FOXP2: variants seen among roughly 807,000 people sequenced by gnomAD.
FOXP2 encodes the protein forkhead box protein P2.
A neutral mutation model predicts 115.8 loss-of-function variants in FOXP2; 12 were observed. The ratio of observed to expected loss-of-function variants is 0.10; its 90% CI spans 0.07 to 0.17. The LOEUF (loss-of-function observed/expected upper bound fraction) is 0.17, where lower values mean the gene tolerates loss of function less well. Ranked by LOEUF, FOXP2 falls within the 10% of genes least tolerant of loss-of-function variation. The pLI is 1.00. For missense variants in FOXP2, 629 were observed against 843.5 expected, an observed-to-expected ratio of 0.75 and a Z score of 3.15; for synonymous variants, 328 against 297.7, an observed-to-expected ratio of 1.10 and a Z score of -1.05.
chr7:114,673,432 T>C (rs903946574), intron 16 of FOXP2, among the ~76,000 whole-genome samples: 63 of 152,180 alleles, frequency 4.1e-4, no homozygotes, highest in African/African-American at 1.5e-3. Context: ...TAAAGTCAAA[T>C]AGAGTGATAA....
intron 1 of FOXP2, among the ~76,000 whole-genome samples, chr7:114,193,000 T>G (rs1416959293): frequency 2.0e-5 from 3 of 152,164 alleles, no homozygotes. Flanking sequence ...AATGAGTTCT[T>G]ATATTTCAGT....
chr7:114,463,699 G>T (rs1757599426), intron 2 of FOXP2, among the ~76,000 whole-genome samples: 1 of 152,132 alleles, frequency 6.6e-6, no homozygotes, highest in African/African-American at 2.4e-5. Flanking sequence ...GTGAGTGGTG[G>T]TGACTAGATT....
chr7:114,663,372 A>T, intron 14 of FOXP2, 78 bp from the exon 15 acceptor site: 1 of 1,065,566 alleles, frequency 9.4e-7, no homozygotes, highest in Non-Finnish European at 1.4e-6. Flanking sequence ...GCCAGAACAT[A>T]CCTTTATAGC....
chr7:114,266,710 G>T (rs931388560), intron 1 of FOXP2, among the ~76,000 whole-genome samples: 1 of 152,064 alleles, frequency 6.6e-6, no homozygotes, highest in East Asian at 1.9e-4. Flanking sequence ...ATAACAGGAG[G>T]ATTACTGGAT....
Position 114,690,417 on chromosome 7 carries a change from G to A in FOXP2, c.*491G>A. ...GTTGCTATTGTTTTTAATTTGCACA[G>A]GAGTAGTATCAGAAATTAGTGTCAC... On this transcript the variant is annotated 3_prime_UTR_variant, in exon 17 of 17. Coordinates refer to ENST00000350908, the MANE Select transcript of FOXP2 (RefSeq NM_014491.4). 2.2e-6 allele frequency: 1 copy of A among 453,866 alleles called. No individual in the cohort carries two copies. The highest frequency in any genetic ancestry group is 4.4e-6 in the Non-Finnish European group (1 of 226,672). 28.1% of individuals were successfully genotyped at this position (453,866 alleles called of 1,614,324 possible).
Position 114,152,536 on chromosome 7 carries a change from CTGT to C in FOXP2, c.-246-10403_-246-10401del, listed in dbSNP as rs145737297. On this transcript the variant is annotated intron_variant, in intron 1 of 19. Transcript: ENST00000635638. The stretch of plus-strand genomic sequence containing the variant: ...AGCACCTGCTTTTGCATATGCAAAT[CTGT>C]TGTTTTGTCATTTCATTAAACAAGA... 2.7e-3 allele frequency among the ~76,000 whole-genome samples: 408 copies of C among 152,254 alleles called. 3 individuals carry two copies. Among genetic ancestry groups the C allele is most frequent in the African/African-American group, 9.4e-3 (390 of 41,556 alleles).
intron 2 of FOXP2, among the ~76,000 whole-genome samples, chr7:114,373,149 C>A (rs112983471): frequency 6.6e-6 from 1 of 151,978 alleles, no homozygotes; most frequent in Admixed American, 6.6e-5. Context: ...CCAGCCACCA[C>A]GCCAGGCTAA....
At chr7:114,554,876 G>A (rs1408547138) in intron 3 of FOXP2, among the ~76,000 whole-genome samples, 1 of 152,038 alleles carries the variant, frequency 6.6e-6, no homozygotes, top group Non-Finnish European at 1.5e-5. Context: ...CCACGTATCT[G>A]TATGATGATT....
chr7:114,593,711 C>T (rs535370716), intron 3 of FOXP2, among the ~76,000 whole-genome samples: 6 of 152,052 alleles, frequency 3.9e-5, no homozygotes, highest in African/African-American at 1.4e-4. Flanking sequence ...TATAACACAT[C>T]TCTGTGAAAC....
Position 114,108,920 on chromosome 7 carries a change from T to C in FOXP2, c.-247+21082T>C, listed in dbSNP as rs75213796. 7.2e-4 allele frequency among the ~76,000 whole-genome samples: 109 copies of C among 152,070 alleles called. 1 individual carries two copies. The East Asian group carries it at 0.02, about 28-fold the overall frequency. On this transcript the variant is annotated intron_variant, in intron 1 of 19. Coordinates refer to the FOXP2 transcript ENST00000635638. ...TATCTAGCAATATTTGTCTGCCCTG[T>C]TTTTAGCGGAAAAAAATAGGCCTTC...
At chr7:114,530,687 C>A (rs1171130939) in intron 2 of FOXP2, among the ~76,000 whole-genome samples, 5 of 151,734 alleles carry the variant, frequency 3.3e-5, no homozygotes, top group African/African-American at 7.3e-5. Flanking sequence ...GCATTTTCAT[C>A]CTTAGTTAAT....
intron 2 of FOXP2, among the ~76,000 whole-genome samples, chr7:114,437,184 T>C (rs1422954261): frequency 6.6e-6 from 1 of 152,226 alleles, no homozygotes; most frequent in Non-Finnish European, 1.5e-5. Flanking sequence ...TAGTATTTAT[T>C]GACATATGCC....
chr7:114,629,994 C>G lies in FOXP2; in HGVS notation c.586C>G (p.Gln196Glu), dbSNP rs1347299046. Residue 196 changes from glutamine (Q) to glutamate (E), a missense_variant, in exon 5 of 17, where the codon CAA (glutamine) becomes GAA (glutamate). Physicochemically the swap from Gln to Glu is conservative, Grantham distance 29 (BLOSUM62 2). This residue lies in a region of FOXP2 where 138 missense variants were observed against 205.1 expected (regional missense o/e 0.67). Coordinates refer to ENST00000350908, the MANE Select transcript of FOXP2 (RefSeq NM_014491.4). ...QQQQQQHPGK[Q>E]AKEQQQQQQQ... ...GCAGCAGCAACAGCATCCTGGAAAGCAAGCGAAAGAGGTAGGATCCGGTTA... is the reference window on the plus strand; with the variant it reads ...GCAGCAGCAACAGCATCCTGGAAAGGAAGCGAAAGAGGTAGGATCCGGTTA... The G allele has an allele frequency of 6.2e-7, 1 of 1,610,980 alleles. No individual in the cohort carries two copies. Among genetic ancestry groups the G allele is most frequent in the Admixed American group, 1.7e-5 (1 of 59,756 alleles).
intron 10 of FOXP2, 91 bp downstream of exon 10, chr7:114,654,100 G>C: frequency 6.2e-7 from 1 of 1,600,720 alleles, no homozygotes; most frequent in Non-Finnish European, 8.5e-7. Flanking sequence ...AGAAAACAAT[G>C]AGTGTGATGA....
chr7:114,529,038 G>GT (rs1347540072), intron 2 of FOXP2, among the ~76,000 whole-genome samples: 1 of 151,646 alleles, frequency 6.6e-6, no homozygotes, highest in Admixed American at 6.6e-5. Flanking sequence ...TAAAATTATT[G>GT]TAGGTAATAT....
intron 1 of FOXP2, among the ~76,000 whole-genome samples, chr7:114,114,340 A>G (rs968638298): frequency 6.6e-6 from 1 of 151,556 alleles, no homozygotes; most frequent in Non-Finnish European, 1.5e-5. Context: ...ACTAAATTCT[A>G]CAAAAGATTT....
intron 16 of FOXP2, among the ~76,000 whole-genome samples, chr7:114,678,802 C>G (rs1404211104): frequency 6.6e-6 from 1 of 151,880 alleles, no homozygotes; most frequent in Non-Finnish European, 1.5e-5. Context: ...TTTCTAATAT[C>G]CAAACTTTCT....
chr7:114,167,935 CAA>C (rs34195375), intron 1 of FOXP2, among the ~76,000 whole-genome samples: 18 of 83,578 alleles, frequency 2.2e-4, no homozygotes, highest in African/African-American at 8.0e-4. Flanking sequence ...GACTCCATCT[CAA>C]AAAAAAAAAA....
chr7:114,603,983 C>A (rs1297517430), intron 3 of FOXP2, among the ~76,000 whole-genome samples: 1 of 152,150 alleles, frequency 6.6e-6, no homozygotes. Context: ...AGGATACTTT[C>A]AATATGTTGC....
Sources: gnomAD v4.1 joint callset for allele counts (sites outside exome capture counted in the v4.1 genomes callset) on GRCh38, gnomAD v4.1.1 for gene constraint, gnomAD v4.1.1 regional missense constraint, MANE v1.5 for transcripts, NCBI Gene and HGNC (gene_info 2026-07-23, HGNC 2026-07-21) for gene names.